USP42: variants seen among roughly 807,000 people sequenced by gnomAD.
The protein encoded by USP42 is ubiquitin specific peptidase 42, also known as ubiquitin carboxyl-terminal hydrolase 42.
USP42 carries 23 observed loss-of-function variants against 113.0 expected under a neutral mutation model. That is an observed-to-expected ratio of 0.20 (90% CI 0.15 to 0.29). USP42 has a LOEUF of 0.29. Among genes scored for constraint, USP42 ranks in the 10% least tolerant of loss-of-function variants. The pLI is 1.00. For synonymous variants in USP42, 933 were observed against 699.0 expected (o/e 1.33, Z -5.28); for missense variants, 2,174 against 1,779.8 (o/e 1.22, Z -3.99).
the USP42 span, among the ~76,000 whole-genome samples, chr7:6,094,891 G>T: frequency 6.7e-6 from 1 of 150,164 alleles, no homozygotes; most frequent in African/African-American, 2.5e-5. Flanking sequence ...AGGTTCAAGC[G>T]ATTCTCCTGC....
chr7:6,098,467 A>T, the USP42 span, among the ~76,000 whole-genome samples: 1 of 149,782 alleles, frequency 6.7e-6, no homozygotes, highest in Non-Finnish European at 1.5e-5. Context: ...CTCCTCCCTT[A>T]GCAGGCGTGA....
At chr7:6,097,218 T>TCTC in the USP42 span, among the ~76,000 whole-genome samples, 3 of 151,002 alleles carry the variant, frequency 2.0e-5, no homozygotes, top group Non-Finnish European at 4.4e-5. Flanking sequence ...GCTGATGCTG[T>TCTC]CTCTGCCCTC....
Position 6,139,123 on chromosome 7 carries a change from A to G in USP42, c.585A>G (p.Gln195=). 6.2e-7 allele frequency: 1 copy of G among 1,610,140 alleles called. No individual in the cohort carries two copies. The highest frequency in any genetic ancestry group is 8.5e-7 in the Non-Finnish European group (1 of 1,178,258). Residue 195 remains glutamine (Q), a synonymous_variant, in exon 5 of 18, where the codon CAA becomes CAG. Coordinates refer to ENST00000306177, the MANE Select transcript of USP42 (RefSeq NM_032172.3). This position sits in a 1 kb window ranked among gnomAD's most constrained non-coding sequence, Gnocchi z 4.5. ...RIARHFRFGN[Q]EDAHEFLQYT... The stretch of plus-strand genomic sequence containing the variant: ...CTAGGCACTTCCGTTTTGGAAACCA[A>G]GAAGATGCCCATGAATTCCTTCAAT...
chr7:6,148,964 G>C (rs1379471954), intron 12 of USP42, among the ~76,000 whole-genome samples: 1 of 152,216 alleles, frequency 6.6e-6, no homozygotes, highest in Non-Finnish European at 1.5e-5. Flanking sequence ...TCCAGTGTTA[G>C]GATGGCAGCT....
chr7:6,149,750 G>T lies in USP42; in HGVS notation c.1554G>T (p.Lys518Asn). The T allele has an allele frequency of 6.2e-7, 1 of 1,613,918 alleles. No homozygotes were observed. Among genetic ancestry groups the T allele is most frequent in the Non-Finnish European group, 8.5e-7 (1 of 1,179,874 alleles). The part of the protein sequence containing the change: ...NRSSVIPEHP[K>N]KQKITISIHN... ...CCTCAGTGATCCCAGAACATCCTAAGAAACAAAAAATTACAATCAGTATTC... is the reference window on the plus strand; with the variant it reads ...CCTCAGTGATCCCAGAACATCCTAATAAACAAAAAATTACAATCAGTATTC... Residue 518 changes from lysine (K) to asparagine (N), a missense_variant, in exon 13 of 18, where the codon AAG (lysine) becomes AAT (asparagine). By Grantham distance (94) the Lys-to-Asn change is moderately conservative (BLOSUM62 0). Coordinates refer to ENST00000306177, the MANE Select transcript of USP42 (RefSeq NM_032172.3).
rs1371932538 is a variant in USP42 at position 6,161,044 on chromosome 7, T to G, written c.*526T>G. ...ATACTAGAAACTAATTTGCTTATTT[T>G]AGTTGTATTCAAGATTTGAAGATGT... On this transcript the variant is annotated 3_prime_UTR_variant, in exon 18 of 18. Coordinates refer to ENST00000306177, the MANE Select transcript of USP42 (RefSeq NM_032172.3). 6.5e-6 allele frequency: 1 copy of G among 152,710 alleles called. No individual in the cohort carries two copies. The allele number at this position is 152,710 out of a possible 1,614,324, so 9.5% of individuals were successfully genotyped here. A position where few individuals can be genotyped will look rare whatever the true frequency, so the allele number is the denominator to read the frequency against.
rs537918421 is a variant in USP42, at chr7:6,160,812, A to T, written c.*294A>T. The T allele has an allele frequency of 6.5e-6, 1 of 152,742 alleles. No homozygotes were observed. Among genetic ancestry groups the T allele is most frequent in the Admixed American group, 6.5e-5 (1 of 15,304 alleles). 9.5% of individuals were successfully genotyped at this position (152,742 alleles called of 1,614,324 possible). ...AATGCCCTGGAATAGAACATCTCAA[A>T]TGCTGCTTAATTACAGACTCAGGTC... On this transcript the variant is annotated 3_prime_UTR_variant, in exon 18 of 18. Coordinates refer to ENST00000306177, the MANE Select transcript of USP42 (RefSeq NM_032172.3).
intron 3 of USP42, chr7:6,116,673 G>C: frequency 2.2e-6 from 1 of 455,270 alleles, no homozygotes; most frequent in Non-Finnish European, 4.2e-6. Context: ...TAAAGAATTT[G>C]GAAAGTACAG....
At chr7:6,113,273 T>G (rs1779699622) in intron 2 of USP42, among the ~76,000 whole-genome samples, 1 of 152,124 alleles carries the variant, frequency 6.6e-6, no homozygotes, top group Admixed American at 6.6e-5. Flanking sequence ...AGGGGAAGTT[T>G]ATATCATGAA....
chr7:6,097,478 C>T, the USP42 span, among the ~76,000 whole-genome samples: 1 of 146,926 alleles, frequency 6.8e-6, no homozygotes, highest in East Asian at 2.0e-4. Flanking sequence ...ATGATCATAG[C>T]TCACCGCAGC....
At chr7:6,117,040 A>G (rs941073377) in intron 3 of USP42, 1 of 344,122 alleles carries the variant, frequency 2.9e-6, no homozygotes, top group Non-Finnish European at 5.6e-6. Context: ...TTACTGAAGT[A>G]TAATTGATAT....
At chr7:6,141,701 G>A (rs1373035809) in intron 7 of USP42, among the ~76,000 whole-genome samples, 1 of 152,040 alleles carries the variant, frequency 6.6e-6, no homozygotes, top group African/African-American at 2.4e-5. Flanking sequence ...TGGGACTACA[G>A]CGACTGTGCC....
the USP42 span, among the ~76,000 whole-genome samples, chr7:6,091,974 A>T: frequency 1.6e-4 from 17 of 108,690 alleles, no homozygotes; most frequent in South Asian, 9.0e-4. Context: ...TCAAGGACGT[A>T]TTTTTTCTTC....
In USP42 at chr7:6,157,820, C is replaced by T. The variant is rs751284997; in HGVS notation, c.3943+765C>T. 6.6e-5 allele frequency among the ~76,000 whole-genome samples: 10 copies of T among 152,154 alleles called. No individual in the cohort carries two copies. Among genetic ancestry groups the T allele is most frequent in the Non-Finnish European group, 1.0e-4 (7 of 68,024 alleles). On this transcript the variant is annotated intron_variant, in intron 16 of 17. Transcript: ENST00000306177. This position sits in a 1 kb window ranked among gnomAD's most constrained non-coding sequence, Gnocchi z 4.1. The stretch of plus-strand genomic sequence containing the variant: ...CTCCATGTGGCAGAGCGCTGGCTGC[C>T]CCTGCCAGGTGTCCTGGATTCTCTT...
intron 3 of USP42, among the ~76,000 whole-genome samples, chr7:6,120,292 G>T (rs998002056): frequency 5.3e-5 from 8 of 152,138 alleles, no homozygotes; most frequent in African/African-American, 1.7e-4. Flanking sequence ...ACTCCAGGTA[G>T]AGTGCAGTGC....
chr7:6,116,878 C>G (rs1156811127), intron 3 of USP42: 1 of 530,252 alleles, frequency 1.9e-6, no homozygotes, highest in Admixed American at 2.0e-5. Context: ...CCAGCACTAG[C>G]ACCTGGACAG....
At chr7:6,094,844 G>A in the USP42 span, among the ~76,000 whole-genome samples, 1 of 148,652 alleles carries the variant, frequency 6.7e-6, no homozygotes, top group African/African-American at 2.6e-5. Context: ...CTGGAGTACA[G>A]TGACGCAATC....
intron 2 of USP42, 56 bp from the exon 3 acceptor site, chr7:6,115,267 A>G: frequency 6.4e-7 from 1 of 1,558,880 alleles, no homozygotes; most frequent in Non-Finnish European, 8.8e-7. Flanking sequence ...GTTACTATTT[A>G]TTTAGCTTCA....
rs1313356733 is a variant in USP42 at position 6,155,110 on chromosome 7, C to T, written c.3556C>T (p.Pro1186Ser). 9.6e-6 allele frequency: 15 copies of T among 1,558,912 alleles called. No individual in the cohort carries two copies. The highest frequency in any genetic ancestry group is 8.7e-6 in the Non-Finnish European group (10 of 1,151,640). The part of the protein sequence containing the change: ...KKARRSEQKD[P>S]LEEPKAKKHK... ...AGCCCGGAGGAGCGAACAGAAGGAT[C>T]CTCTAGAAGAGCCTAAAGCAAAGAA... The change falls in exon 15 of 18, where the codon CCT becomes TCT. Residue 1186 changes from proline (P) to serine (S), a missense_variant. By Grantham distance (74) the Pro-to-Ser change is moderately conservative. Transcript: ENST00000306177.
Sources: allele counts gnomAD v4.1 joint callset (sites outside exome capture counted in the v4.1 genomes callset), GRCh38; gene constraint gnomAD v4.1.1; non-coding constraint Gnocchi (gnomAD v3.1); transcripts MANE v1.5; gene names NCBI Gene and HGNC (gene_info 2026-07-23, HGNC 2026-07-21).